E2F7: variants seen among roughly 807,000 people sequenced by gnomAD.
E2F7 encodes the protein transcription factor E2F7.
In E2F7, 35 loss-of-function variants were observed where a neutral mutation model predicts 81.1. The observed-to-expected ratio is 0.43, with a 90% CI of 0.33 to 0.57. The LOEUF is 0.57. Among genes scored for constraint, E2F7 ranks in the 20% least tolerant of loss-of-function variants. The pLI is 0.04. For missense variants in E2F7, 961 were observed against 1,093.7 expected (o/e 0.88, Z 1.71); for synonymous variants, 416 against 416.2 (o/e 1.00, Z 0.01).
In E2F7 at chr12:77,025,758, C is replaced by T; in HGVS notation, c.2365G>A (p.Gly789Arg). The change falls in exon 12 of 13, where the codon GGA becomes AGA. Residue 789 changes from glycine to arginine, a missense_variant. Gly to Arg is a moderately radical substitution (Grantham distance 125, BLOSUM62 -2). Transcript: ENST00000322886. ...CCGACGAGAAGCTGGGCTATTGATC[C>T]AAGGCCAGGCAAGCTGAAATTCACA... is the stretch of plus-strand genomic sequence containing the variant. Reference protein sequence around the residue: ...GPVNFSLPGLGSIAQLLVGPT... With the variant: ...GPVNFSLPGLRSIAQLLVGPT... The T allele has an allele frequency of 3.1e-6, 5 of 1,614,064 alleles. No individual in the cohort carries two copies. Among genetic ancestry groups the T allele is most frequent in the Non-Finnish European group, 4.2e-6 (5 of 1,180,034 alleles).
rs747387726 is a variant in E2F7, at chr12:77,050,684, G to T, written c.430C>A (p.Gln144Lys). ...EFEKQRPSRK[Q>K]KSLGLLCQKF... ...TGGCACAGGAGTCCTAAACTTTTCT[G>T]TTTTCTGCTTGGCCTTTGCTTTTCA... is the stretch of plus-strand genomic sequence containing the variant. Residue 144 changes from glutamine to lysine, a missense_variant, in exon 4 of 13, where the codon CAG becomes AAG. This residue lies in a region of E2F7 where 301 missense variants were observed against 405.0 expected (regional missense o/e 0.74). Transcript: ENST00000322886. 2 of 1,613,932 alleles carry T rather than the reference G, an allele frequency of 1.2e-6. No homozygotes were observed. Among genetic ancestry groups the T allele is most frequent in the Non-Finnish European group, 1.7e-6 (2 of 1,179,936 alleles).
chr12:77,029,921 C>G lies in E2F7; in HGVS notation c.1794G>C (p.Glu598Asp). The G allele has an allele frequency of 6.2e-7, 1 of 1,614,234 alleles. No homozygotes were observed. The highest frequency in any genetic ancestry group is 8.5e-7 in the Non-Finnish European group (1 of 1,180,048). ...SAPSAQKRLC[E>D]ERKPQEEDEP... is the part of the protein sequence containing the mutation. ...CATCCTCCTCCTGAGGTTTCCTCTCCTCACAGAGGCGCTTCTGAGCTGAGG... is the reference window on the plus strand; with the variant it reads ...CATCCTCCTCCTGAGGTTTCCTCTCGTCACAGAGGCGCTTCTGAGCTGAGG... Residue 598 changes from glutamate (E) to aspartate (D), a missense_variant, in exon 10 of 13, where the codon GAG (glutamate) becomes GAC (aspartate). Glu to Asp is a conservative substitution (Grantham distance 45). Transcript: ENST00000322886.
chr12:77,046,418 A>G, intron 4 of E2F7, 90 bp from the exon 5 acceptor site: 2 of 1,392,472 alleles, frequency 1.4e-6, no homozygotes, highest in Non-Finnish European at 1.9e-6. Flanking sequence ...TCTGTGAACT[A>G]CTTTGTCTGA....
In E2F7 at chr12:77,055,926, C is replaced by T. The variant is rs1427298919; in HGVS notation, c.298G>A (p.Asp100Asn). 6.2e-7 allele frequency: 1 copy of T among 1,614,052 alleles called. No homozygotes were observed. The highest frequency in any genetic ancestry group is 1.1e-5 in the South Asian group (1 of 91,080). The part of the protein sequence containing the change: ...LISAASPDIR[D>N]REKKKGLFRP... ...AATAGTCCCTTTTTCTTCTCCCGGT[C>T]CCTTATATCTGGGCTGGCAGCACTA... is the stretch of plus-strand genomic sequence containing the variant. Residue 100 changes from aspartate to asparagine, a missense_variant, in exon 3 of 13, where the codon GAC becomes AAC. By Grantham distance (23) the Asp-to-Asn change is conservative. Coordinates refer to ENST00000322886, the MANE Select transcript of E2F7 (RefSeq NM_203394.3).
At chr12:77,038,412 T>C (rs992278123) in intron 7 of E2F7, among the ~76,000 whole-genome samples, 4 of 152,162 alleles carry the variant, frequency 2.6e-5, no homozygotes, top group African/African-American at 9.6e-5. Context: ...ATACAAAGTA[T>C]ATTCTCTGGT....
intron 2 of E2F7, among the ~76,000 whole-genome samples, chr12:77,057,587 A>G (rs1283135607): frequency 1.3e-5 from 2 of 152,182 alleles, no homozygotes; most frequent in African/African-American, 2.4e-5. Flanking sequence ...GTGGAATACC[A>G]TCTGCCTCCA....
At chr12:77,024,226 T>G (rs761695175) in intron 12 of E2F7, 41 bp from the exon 13 acceptor site, 1 of 1,588,434 alleles carries the variant, frequency 6.3e-7, no homozygotes, top group East Asian at 2.3e-5. Flanking sequence ...GAAGTCATAT[T>G]GTTTCTGATC....
Position 77,044,853 on chromosome 12 carries a change from T to C in E2F7, c.830-58A>G, listed in dbSNP as rs879075251. ...ATATGATTTTCTACAAGAAAGACTATACTTGCAGCTTGCCAAAATGATCTA... is the reference window on the plus strand; with the variant it reads ...ATATGATTTTCTACAAGAAAGACTACACTTGCAGCTTGCCAAAATGATCTA... On this transcript the variant is annotated intron_variant, in intron 5 of 12. Transcript: ENST00000322886. The C allele has an allele frequency of 7.0e-6, 11 of 1,572,280 alleles. No homozygotes were observed. In the African/African-American group the frequency reaches 1.2e-4, roughly 18 times the overall value.
intron 10 of E2F7, 66 bp from the exon 11 acceptor site, chr12:77,028,204 T>C: frequency 6.5e-7 from 1 of 1,545,978 alleles, no homozygotes; most frequent in Admixed American, 2.0e-5. Context: ...CTCTCTTTTT[T>C]TTTTTTGAGA....
chr12:77,025,776 A>C lies in E2F7; in HGVS notation c.2347T>G (p.Phe783Val), dbSNP rs1217334830. The change falls in exon 12 of 13, where the codon TTC becomes GTC. Residue 783 changes from phenylalanine to valine, a missense_variant. Physicochemically the swap from Phe to Val is conservative, Grantham distance 50. Around this residue, in one of 3 missense-constraint regions of E2F7, gnomAD observed 587 missense variants for 620.3 expected, o/e 0.95. Transcript: ENST00000322886. ...GALPNTGPVN[F>V]SLPGLGSIAQ... Reference sequence around the variant, plus strand: ...ATTGATCCAAGGCCAGGCAAGCTGAAATTCACAGGTCCTGTGTTTGGGAGA... The same window carrying C: ...ATTGATCCAAGGCCAGGCAAGCTGACATTCACAGGTCCTGTGTTTGGGAGA... 1 of 1,614,104 alleles carries C rather than the reference A, an allele frequency of 6.2e-7. No homozygotes were observed. The highest frequency in any genetic ancestry group is 1.7e-5 in the Admixed American group (1 of 60,004).
intron 7 of E2F7, among the ~76,000 whole-genome samples, chr12:77,041,075 C>G (rs903056088): frequency 2.0e-5 from 3 of 152,196 alleles, no homozygotes; most frequent in African/African-American, 7.2e-5. Context: ...ATTTAATATT[C>G]CTGACTTGCC....
chr12:77,026,070 G>A (rs1315705007), intron 11 of E2F7, 88 bp from the exon 12 acceptor site: 8 of 1,400,952 alleles, frequency 5.7e-6, no homozygotes, highest in Admixed American at 5.2e-5. Context: ...CCTTTCAAAC[G>A]GGAGTCCACA....
chr12:77,044,476 C>T, intron 6 of E2F7, 161 bp downstream of exon 6: 1 of 834,600 alleles, frequency 1.2e-6, no homozygotes, highest in South Asian at 1.8e-5. Context: ...TAGTAGGTGA[C>T]TAACTTACCT....
At chr12:77,053,987 A>G (rs1357898255) in intron 3 of E2F7, among the ~76,000 whole-genome samples, 1 of 152,188 alleles carries the variant, frequency 6.6e-6, no homozygotes, top group Non-Finnish European at 1.5e-5. Flanking sequence ...AATAAAGACT[A>G]GTTTTAAAAA....
At chr12:77,057,704 A>G (rs1355112850) in intron 2 of E2F7, among the ~76,000 whole-genome samples, 2 of 152,364 alleles carry the variant, frequency 1.3e-5, no homozygotes, top group African/African-American at 2.4e-5. Context: ...GGAACTAACA[A>G]GTAATTAAAA....
At chr12:77,046,926 T>C (rs973030210) in intron 4 of E2F7, among the ~76,000 whole-genome samples, 3 of 152,232 alleles carry the variant, frequency 2.0e-5, no homozygotes, top group Non-Finnish European at 4.4e-5. Flanking sequence ...GTCAAGGGCT[T>C]GAATACCCTT....
chr12:77,050,792 C>T, intron 3 of E2F7, 48 bp from the exon 4 acceptor site: 1 of 1,587,096 alleles, frequency 6.3e-7, no homozygotes, highest in Non-Finnish European at 8.6e-7. Context: ...CAGTTAACAT[C>T]CTAATGGAGA....
chr12:77,061,474 C>T (rs1160036305), intron 2 of E2F7, among the ~76,000 whole-genome samples: 1 of 152,170 alleles, frequency 6.6e-6, no homozygotes, highest in Non-Finnish European at 1.5e-5. Flanking sequence ...CCAGCCACAG[C>T]TCAAGTGCTA....
chr12:77,045,137 G>A (rs1954928441), intron 5 of E2F7, among the ~76,000 whole-genome samples: 1 of 152,122 alleles, frequency 6.6e-6, no homozygotes, highest in Non-Finnish European at 1.5e-5. Flanking sequence ...AAAAGATAGG[G>A]TGGGAATACA....
Sources: gnomAD v4.1 joint callset for allele counts (sites outside exome capture counted in the v4.1 genomes callset) on GRCh38, gnomAD v4.1.1 for gene constraint, gnomAD v4.1.1 regional missense constraint, MANE v1.5 for transcripts, NCBI Gene and HGNC (gene_info 2026-07-23, HGNC 2026-07-21) for gene names.